Variants in CXCL14 observed in about 807,000 individuals in gnomAD.
The protein encoded by CXCL14 is C-X-C motif chemokine ligand 14.
CXCL14 carries 9 observed loss-of-function variants against 16.1 expected under a neutral mutation model. That is an observed-to-expected ratio of 0.56 (90% CI 0.34 to 0.97). The LOEUF (loss-of-function observed/expected upper bound fraction) is 0.97, where lower values mean the gene tolerates loss of function less well. Among genes scored for constraint, CXCL14 ranks in the 50% least tolerant of loss-of-function variants. The probability of loss-of-function intolerance (pLI) is 0.02; values close to 1 mark genes in which losing one functional copy is unlikely to be tolerated. For synonymous variants in CXCL14, 55 were observed against 52.8 expected (o/e 1.04, Z -0.18); for missense variants, 111 against 132.5 (o/e 0.84, Z 0.80).
rs1388689506 is a variant in CXCL14, at chr5:135,571,634, C to T, written c.*219G>A. The T allele has an allele frequency of 9.6e-6, 5 of 519,546 alleles. No individual in the cohort carries two copies. The highest frequency in any genetic ancestry group is 1.7e-5 in the Non-Finnish European group (5 of 297,518). 32.2% of individuals were successfully genotyped at this position (519,546 alleles called of 1,614,324 possible). On this transcript the variant is annotated 3_prime_UTR_variant, in exon 4 of 4. Coordinates refer to ENST00000512158, the MANE Select transcript of CXCL14 (RefSeq NM_004887.5). ...TGGAGCACAAGAGAGATGGGTCTCC[C>T]ATCTGGAAGCCTTTCGCACGCAGCT...
intron 3 of CXCL14, among the ~76,000 whole-genome samples, chr5:135,572,786 C>T (rs1012698250): frequency 6.6e-6 from 1 of 152,224 alleles, no homozygotes; most frequent in Non-Finnish European, 1.5e-5. Flanking sequence ...CTGAGCCCAC[C>T]GTATACCCTT....
At chr5:135,578,650 T>G (rs1751159545) in intron 1 of CXCL14, 65 bp downstream of exon 1, 1 of 1,577,516 alleles carries the variant, frequency 6.3e-7, no homozygotes, top group Non-Finnish European at 8.6e-7. Flanking sequence ...GCCTAGAAAT[T>G]GGCGCTTGGG....
At chr5:135,573,910 T>G (rs1166213415) in intron 3 of CXCL14, among the ~76,000 whole-genome samples, 4 of 152,068 alleles carry the variant, frequency 2.6e-5, no homozygotes, top group Non-Finnish European at 5.9e-5. Flanking sequence ...CACCTTCTGA[T>G]TTTAAGGAAA....
intron 3 of CXCL14, among the ~76,000 whole-genome samples, chr5:135,572,482 C>G (rs1223681662): frequency 6.6e-6 from 1 of 152,200 alleles, no homozygotes; most frequent in African/African-American, 2.4e-5. Flanking sequence ...AGTCCCTGCT[C>G]CTGGCTGCAT....
chr5:135,578,683 A>T (rs780617344), intron 1 of CXCL14, 32 bp downstream of exon 1: 1 of 1,555,598 alleles, frequency 6.4e-7, no homozygotes, highest in South Asian at 1.2e-5. Context: ...GGACAAGACG[A>T]GACGGCGACA....
chr5:135,571,400 C>T lies in CXCL14; in HGVS notation c.*453G>A, dbSNP rs776016945. ...CCAGGAGAGCCCGTGGCAGCTGTGC[C>T]GAGGCGCCAGGACCTCTAAGCGGAA... On this transcript the variant is annotated 3_prime_UTR_variant, in exon 4 of 4. Coordinates refer to ENST00000512158, the MANE Select transcript of CXCL14 (RefSeq NM_004887.5). 231 of 159,648 alleles carry T rather than the reference C, an allele frequency of 1.4e-3. 1 individual carries two copies. Among genetic ancestry groups the T allele is most frequent in the Non-Finnish European group, 3.5e-4 (26 of 73,470 alleles). 9.9% of individuals were successfully genotyped at this position (159,648 alleles called of 1,614,324 possible). A position where few individuals can be genotyped will look rare whatever the true frequency, so the allele number is the denominator to read the frequency against.
intron 2 of CXCL14, among the ~76,000 whole-genome samples, chr5:135,576,272 C>A (rs1213595795): frequency 2.0e-5 from 3 of 152,204 alleles, no homozygotes; most frequent in African/African-American, 2.4e-5. Context: ...CTCTCTCCCC[C>A]ACTGTGCCCA....
chr5:135,575,333 A>C (rs1751082718), intron 2 of CXCL14, among the ~76,000 whole-genome samples: 1 of 152,126 alleles, frequency 6.6e-6, no homozygotes, highest in Non-Finnish European at 1.5e-5. Flanking sequence ...TGAAGATCTC[A>C]GGCCTCTATC....
chr5:135,578,482 T>G lies in CXCL14; in HGVS notation c.122A>C (p.Lys41Thr). Residue 41 changes from lysine (K) to threonine (T), a missense_variant, in exon 2 of 4, where the codon AAG (lysine) becomes ACG (threonine). Physicochemically the swap from Lys to Thr is moderately conservative, Grantham distance 78. Transcript: ENST00000512158. Reference protein sequence around the residue: ...GPKIRYSDVKKLEMKPKYPHC... With the variant: ...GPKIRYSDVKTLEMKPKYPHC... Reference sequence around the variant, plus strand: ...CGGGTACTTTGGCTTCATTTCCAGCTTCTTCACGTCGCTGTAGCGGATCTT... The same window carrying G: ...CGGGTACTTTGGCTTCATTTCCAGCGTCTTCACGTCGCTGTAGCGGATCTT... 6.2e-7 allele frequency: 1 copy of G among 1,614,250 alleles called. No individual in the cohort carries two copies. Among genetic ancestry groups the G allele is most frequent in the Non-Finnish European group, 8.5e-7 (1 of 1,180,042 alleles).
chr5:135,576,031 C>T lies in CXCL14; in HGVS notation c.171-1346G>A, dbSNP rs149780992. On this transcript the variant is annotated intron_variant, in intron 2 of 3. Transcript: ENST00000512158. ...CTCCCAGTTGATGGGGAAAGAAAATCGGATCTTGCCACCAGAATGGGGGCA... is the reference window on the plus strand; with the variant it reads ...CTCCCAGTTGATGGGGAAAGAAAATTGGATCTTGCCACCAGAATGGGGGCA... 6.9e-3 allele frequency among the ~76,000 whole-genome samples: 1,058 copies of T among 152,332 alleles called. 8 individuals are homozygous for T. The highest frequency in any genetic ancestry group is 0.024 in the African/African-American group (999 of 41,566).
chr5:135,577,213 C>T (rs1259360631), intron 2 of CXCL14, among the ~76,000 whole-genome samples: 2 of 152,134 alleles, frequency 1.3e-5, no homozygotes, highest in African/African-American at 4.8e-5. Context: ...AGCTCTTAGA[C>T]GAGTGAGATT....
intron 3 of CXCL14, among the ~76,000 whole-genome samples, chr5:135,574,120 T>C (rs1751063390): frequency 6.6e-6 from 1 of 152,200 alleles, no homozygotes; most frequent in Non-Finnish European, 1.5e-5. Context: ...CTGGCAAGGA[T>C]CATCCTCAGC....
chr5:135,577,763 C>T (rs894643954), intron 2 of CXCL14, among the ~76,000 whole-genome samples: 1 of 152,224 alleles, frequency 6.6e-6, no homozygotes, highest in Non-Finnish European at 1.5e-5. Flanking sequence ...ACTAAGTGTT[C>T]TCTCACTCTG....
intron 2 of CXCL14, among the ~76,000 whole-genome samples, chr5:135,575,530 G>A (rs1751085366): frequency 6.6e-6 from 1 of 152,230 alleles, no homozygotes; most frequent in African/African-American, 2.4e-5. Context: ...TTATTGGGAT[G>A]ATTAAAAGAT....
chr5:135,578,441 T>C lies in CXCL14; in HGVS notation c.163A>G (p.Met55Val). 1 of 1,613,788 alleles carries C rather than the reference T, an allele frequency of 6.2e-7. No homozygotes were observed. Among genetic ancestry groups the C allele is most frequent in the South Asian group, 1.1e-5 (1 of 91,076 alleles). ...TGAGGAGCGAGAACTCACATAACCA[T>C]CTTCTCCTCGCAGTGCGGGTACTTT... ...KPKYPHCEEK[M>V]VIITTKSVSR... Residue 55 changes from methionine (M) to valine (V), a missense_variant, in exon 2 of 4, where the codon ATG becomes GTG. Met to Val is a conservative substitution (Grantham distance 21). Coordinates refer to ENST00000512158, the MANE Select transcript of CXCL14 (RefSeq NM_004887.5).
At position 135,571,711 on chromosome 5, in the gene CXCL14, AT is replaced by A. The variant is rs1202846741; in HGVS notation, c.*141del. ...AAAAAGTGCTTCATAACAATATATA[AT>A]TTGTGTCTTATGCCTGTGAGAAAGA... is the stretch of plus-strand genomic sequence containing the variant. On this transcript the variant is annotated 3_prime_UTR_variant, in exon 4 of 4. Coordinates refer to ENST00000512158, the MANE Select transcript of CXCL14 (RefSeq NM_004887.5). 1.2e-6 allele frequency: 1 copy of A among 824,322 alleles called. No individual in the cohort carries two copies. The highest frequency in any genetic ancestry group is 2.9e-5 in the East Asian group (1 of 34,362). 51.1% of individuals were successfully genotyped at this position (824,322 alleles called of 1,614,324 possible). A position where few individuals can be genotyped will look rare whatever the true frequency, so the allele number is the denominator to read the frequency against.
chr5:135,576,943 G>A (rs1015597233), intron 2 of CXCL14, among the ~76,000 whole-genome samples: 1 of 152,158 alleles, frequency 6.6e-6, no homozygotes, highest in African/African-American at 2.4e-5. Context: ...GGCCCTAGGG[G>A]GTGGGTTAGA....
chr5:135,574,457 T>C (rs1732955564), intron 3 of CXCL14, 115 bp downstream of exon 3: 2 of 729,744 alleles, frequency 2.7e-6, no homozygotes, highest in East Asian at 5.4e-5. Context: ...GTGGATGTTG[T>C]GGTGGGTGTT....
chr5:135,571,976 G>T, intron 3 of CXCL14, 108 bp from the exon 4 acceptor site: 1 of 1,105,964 alleles, frequency 9.0e-7, no homozygotes, highest in Non-Finnish European at 1.3e-6. Flanking sequence ...GAATGCCCCT[G>T]TCCCAGAACT....
Sources: gnomAD v4.1 joint callset for allele counts (sites outside exome capture counted in the v4.1 genomes callset) on GRCh38, gnomAD v4.1.1 for gene constraint, MANE v1.5 for transcripts, NCBI Gene and HGNC (gene_info 2026-07-23, HGNC 2026-07-21) for gene names.